DNAL1: variants seen among roughly 807,000 people sequenced by gnomAD.
DNAL1 encodes chromosome 14 open reading frame 168.
DNAL1 carries 17 observed loss-of-function variants against 29.4 expected under a neutral mutation model. The observed-to-expected ratio is 0.58, with a 90% confidence interval of 0.40 to 0.87. The LOEUF is 0.87. Among genes scored for constraint, DNAL1 ranks in the 40% least tolerant of loss-of-function variants. DNAL1 has a pLI of 0.00. For synonymous variants in DNAL1, 78 were observed against 76.3 expected, an observed-to-expected ratio of 1.02 and a Z score of -0.12; for missense variants, 188 against 214.1, an observed-to-expected ratio of 0.88 and a Z score of 0.76.
At chr14:73,655,744 G>A (rs1352961697) in intron 2 of DNAL1, among the ~76,000 whole-genome samples, 3 of 151,986 alleles carry the variant, frequency 2.0e-5, no homozygotes, top group African/African-American at 7.3e-5. Context: ...TTAGAAGGTG[G>A]TTTTAGCCTC....
intron 1 of DNAL1, 44 bp downstream of exon 1, chr14:73,645,086 G>A: frequency 6.2e-7 from 1 of 1,600,144 alleles, no homozygotes; most frequent in Non-Finnish European, 8.5e-7. Flanking sequence ...AGAGAAGATT[G>A]GGAGTGGAAA....
At chr14:73,674,132 A>G (rs575404284) in intron 5 of DNAL1, among the ~76,000 whole-genome samples, 3 of 152,286 alleles carry the variant, frequency 2.0e-5, no homozygotes, top group African/African-American at 7.2e-5. Flanking sequence ...CCATTTGTAT[A>G]TATGATCTGG....
intron 1 of DNAL1, among the ~76,000 whole-genome samples, chr14:73,647,226 G>A (rs1000422214): frequency 1.3e-5 from 2 of 151,646 alleles, no homozygotes; most frequent in East Asian, 3.9e-4. Flanking sequence ...TTAGCCAGGC[G>A]TGGTGGTAGG....
At chr14:73,674,614 T>A (rs1891687734) in intron 5 of DNAL1, among the ~76,000 whole-genome samples, 1 of 152,210 alleles carries the variant, frequency 6.6e-6, no homozygotes, top group Admixed American at 6.5e-5. Context: ...CAATCACAGC[T>A]CATTGCAACC....
intron 5 of DNAL1, 105 bp from the exon 6 acceptor site, chr14:73,687,154 C>G (rs554965982): frequency 4.4e-6 from 6 of 1,370,068 alleles, no homozygotes; most frequent in Non-Finnish European, 5.9e-6. Context: ...AGTAGACAGG[C>G]AGGGTCTAAG....
intron 2 of DNAL1, among the ~76,000 whole-genome samples, chr14:73,658,594 A>C (rs1347830209): frequency 6.6e-6 from 1 of 152,190 alleles, no homozygotes; most frequent in Non-Finnish European, 1.5e-5. Flanking sequence ...CAAAAATAAA[A>C]GTTTTTTTAT....
intron 3 of DNAL1, chr14:73,659,557 A>G (rs759026175): frequency 6.6e-6 from 1 of 152,144 alleles, no homozygotes; most frequent in Non-Finnish European, 1.5e-5. Context: ...AATAAACTAT[A>G]TATTTTTTAA....
At chr14:73,664,859 TAAAA>T (rs112233204) in intron 4 of DNAL1, among the ~76,000 whole-genome samples, 1 of 147,206 alleles carries the variant, frequency 6.8e-6, no homozygotes, top group African/African-American at 2.5e-5. Context: ...AGACCTTGTC[TAAAA>T]AAAAAAATAA....
At chr14:73,672,066 C>T (rs923022755) in intron 5 of DNAL1, among the ~76,000 whole-genome samples, 6 of 152,112 alleles carry the variant, frequency 3.9e-5, no homozygotes, top group Non-Finnish European at 7.4e-5. Context: ...GCTTGTGCTT[C>T]GTAAGAGGCA....
chr14:73,676,095 G>A (rs541771324), intron 5 of DNAL1, among the ~76,000 whole-genome samples: 20 of 150,756 alleles, frequency 1.3e-4, no homozygotes, highest in Admixed American at 4.6e-4. Context: ...TAGGCCAGGC[G>A]TGGTGGCACG....
intron 5 of DNAL1, among the ~76,000 whole-genome samples, chr14:73,680,718 T>G (rs1891855100): frequency 6.6e-6 from 1 of 152,182 alleles, no homozygotes; most frequent in South Asian, 2.1e-4. Context: ...CTGGGATATA[T>G]TCTGAGAAAT....
At chr14:73,695,661 C>T (rs941838017) in intron 7 of DNAL1, among the ~76,000 whole-genome samples, 1 of 151,928 alleles carries the variant, frequency 6.6e-6, no homozygotes, top group African/African-American at 2.4e-5. Flanking sequence ...TCCCAAGTAA[C>T]TGGGATTACA....
At chr14:73,672,076 A>C (rs1891626104) in intron 5 of DNAL1, among the ~76,000 whole-genome samples, 1 of 152,152 alleles carries the variant, frequency 6.6e-6, no homozygotes, top group Non-Finnish European at 1.5e-5. Flanking sequence ...CGTAAGAGGC[A>C]GTGGGGAGCT....
intron 2 of DNAL1, 71 bp downstream of exon 2, chr14:73,654,956 G>A: frequency 7.1e-7 from 1 of 1,416,364 alleles, no homozygotes; most frequent in Non-Finnish European, 9.6e-7. Context: ...TTCAAATCTA[G>A]CTATTTAATA....
At position 73,700,520 on chromosome 14, in the gene DNAL1, G is replaced by A. The variant is rs1023313282; in HGVS notation, c.*4578G>A. ...GAATTGGTGATGTGTAAAGAGAGTT[G>A]GAATCTTCTACCTGGGTTTTTCTCA... On this transcript the variant is annotated 3_prime_UTR_variant, in exon 8 of 8. Coordinates refer to ENST00000553645, the MANE Select transcript of DNAL1 (RefSeq NM_031427.4). 1 of 152,158 alleles carries A rather than the reference G, an allele frequency of 6.6e-6. No individual in the cohort carries two copies. Among genetic ancestry groups the A allele is most frequent in the Admixed American group, 6.5e-5 (1 of 15,268 alleles). 9.4% of individuals were successfully genotyped at this position (152,158 alleles called of 1,614,324 possible).
chr14:73,669,813 G>A (rs1343272300), intron 4 of DNAL1, among the ~76,000 whole-genome samples: 2 of 152,090 alleles, frequency 1.3e-5, no homozygotes, highest in African/African-American at 2.4e-5. Flanking sequence ...GAATTTTCCG[G>A]GGGACACAGT....
At chr14:73,681,617 A>ATAT (rs1891879010) in intron 5 of DNAL1, among the ~76,000 whole-genome samples, 1 of 47,678 alleles carries the variant, frequency 2.1e-5, no homozygotes, top group Admixed American at 2.8e-4. Flanking sequence ...AAAAAAAAAA[A>ATAT]AAAAAAAAAA....
rs570720945 is a variant in DNAL1, at chr14:73,695,770, C to A, written c.533-132C>A. 6 of 568,924 alleles carry A rather than the reference C, an allele frequency of 1.1e-5. No individual in the cohort carries two copies. The African/African-American group carries it at 1.2e-4, about 11-fold the overall frequency. The allele number at this position is 568,924 out of a possible 1,614,324, so 35.2% of individuals were successfully genotyped here. A position where few individuals can be genotyped will look rare whatever the true frequency, so the allele number is the denominator to read the frequency against. On this transcript the variant is annotated intron_variant, in intron 7 of 7. Coordinates refer to ENST00000553645, the MANE Select transcript of DNAL1 (RefSeq NM_031427.4). ...TCTTGAACTCCTGACCTCAGGTGAT[C>A]CACCCGCCTCAGCCTCCCAAAGTGC...
intron 6 of DNAL1, among the ~76,000 whole-genome samples, chr14:73,687,853 G>GA (rs1892058373): frequency 6.6e-6 from 1 of 152,150 alleles, no homozygotes; most frequent in South Asian, 2.1e-4. Flanking sequence ...AGCCAGGGCA[G>GA]CAGAGCAAGA....
Sources: gnomAD v4.1 joint callset for allele counts (sites outside exome capture counted in the v4.1 genomes callset) on GRCh38, gnomAD v4.1.1 for gene constraint, MANE v1.5 for transcripts, NCBI Gene and HGNC (gene_info 2026-07-23, HGNC 2026-07-21) for gene names.